NUP153: variants seen among roughly 807,000 people sequenced by gnomAD.
NUP153 encodes the protein nuclear pore complex protein Nup153.
A neutral mutation model predicts 134.6 loss-of-function variants in NUP153; 27 were observed. The observed-to-expected ratio is 0.20, with a 90% CI of 0.15 to 0.28. NUP153 has a LOEUF of 0.28. Ranked by LOEUF, NUP153 falls within the 10% of genes least tolerant of loss-of-function variation. The probability of loss-of-function intolerance (pLI) is 1.00; values close to 1 mark genes in which losing one functional copy is unlikely to be tolerated. For missense variants in NUP153, 1,821 were observed against 1,731.3 expected, an observed-to-expected ratio of 1.05 and a Z score of -0.92; for synonymous variants, 640 against 623.5, an observed-to-expected ratio of 1.03 and a Z score of -0.40.
rs199524934 is a variant in NUP153, at chr6:17,648,635, T to TA, written c.1533+527dup. On this transcript the variant is annotated intron_variant, in intron 12 of 21. Transcript: ENST00000262077. ...CAAGCTGAAAAAATAAATAAATATTTAAAAAAAAATTTTTTTAATTAGCTG... is the reference window on the plus strand; with the variant it reads ...CAAGCTGAAAAAATAAATAAATATTTAAAAAAAAAATTTTTTTAATTAGCTG... Among the ~76,000 whole-genome samples, 12 of 151,512 alleles carry TA rather than the reference T, an allele frequency of 7.9e-5. No homozygotes were observed. In the South Asian group the frequency reaches 2.3e-3, roughly 29 times the overall value.
chr6:17,682,768 A>G (rs1057077593), intron 2 of NUP153, among the ~76,000 whole-genome samples: 1 of 151,912 alleles, frequency 6.6e-6, no homozygotes, highest in Admixed American at 6.6e-5. Context: ...AATACAAAAA[A>G]TTAGCTGGGT....
intron 2 of NUP153, among the ~76,000 whole-genome samples, chr6:17,684,205 A>C (rs1768778301): frequency 6.6e-6 from 1 of 152,226 alleles, no homozygotes; most frequent in South Asian, 2.1e-4. Flanking sequence ...TAAATTACCC[A>C]GTCTCAAGTA....
At chr6:17,616,374 C>A (rs1264129115) in intron 21 of NUP153, among the ~76,000 whole-genome samples, 153 bp downstream of exon 21, 1 of 152,074 alleles carries the variant, frequency 6.6e-6, no homozygotes, top group Non-Finnish European at 1.5e-5. Context: ...GTAATATAAT[C>A]CTCCAGAATT....
chr6:17,639,952 A>T lies in NUP153; in HGVS notation c.1833T>A (p.Ile611=), dbSNP rs547850233. The change falls in exon 15 of 22, where the codon ATT becomes ATA. Residue 611 remains isoleucine, a synonymous_variant. Transcript: ENST00000262077. ...TAATTATCTTACCAGGGCTTTTCAG[A>T]ATATCTAGAACACTTCCTTCTTTCA... is the stretch of plus-strand genomic sequence containing the variant. ...EILKEGSVLD[I]LKSPGFASPK... 6.2e-7 allele frequency: 1 copy of T among 1,604,290 alleles called. No individual in the cohort carries two copies. Among genetic ancestry groups the T allele is most frequent in the South Asian group, 1.1e-5 (1 of 88,590 alleles).
At chr6:17,670,553 T>C (rs1031818708) in intron 5 of NUP153, among the ~76,000 whole-genome samples, 1 of 152,202 alleles carries the variant, frequency 6.6e-6, no homozygotes, top group Non-Finnish European at 1.5e-5. Context: ...CTGCACTGGC[T>C]AGCACCTGCA....
chr6:17,646,511 A>G (rs115314054), intron 13 of NUP153, among the ~76,000 whole-genome samples: 2,940 of 152,004 alleles, frequency 0.019, 96 homozygotes, highest in African/African-American at 0.067. Context: ...TGGCCCAAAT[A>G]TAGAGGTTAT....
intron 11 of NUP153, among the ~76,000 whole-genome samples, chr6:17,655,967 G>A (rs1766791950): frequency 6.6e-6 from 1 of 152,154 alleles, no homozygotes; most frequent in Non-Finnish European, 1.5e-5. Context: ...CCCTTTGGGA[G>A]GCCAAGGTGG....
At position 17,638,421 on chromosome 6, in the gene NUP153, A is replaced by G. The variant is rs1765672956; in HGVS notation, c.1847-651T>C. On this transcript the variant is annotated intron_variant, in intron 15 of 21. Transcript: ENST00000262077. This position sits in a 1 kb window ranked among gnomAD's most constrained non-coding sequence, Gnocchi z 4.0. ...TTTCTCCAGCCTTACCCGCCAAAGAAAAAGAAATTAAAAGGAGAGAAGATG... is the reference window on the plus strand; with the variant it reads ...TTTCTCCAGCCTTACCCGCCAAAGAGAAAGAAATTAAAAGGAGAGAAGATG... 6.6e-6 allele frequency among the ~76,000 whole-genome samples: 1 copy of G among 152,240 alleles called. No homozygotes were observed. The highest frequency in any genetic ancestry group is 2.4e-5 in the African/African-American group (1 of 41,470).
In NUP153 at chr6:17,646,132, G is replaced by C. The variant is rs773445182; in HGVS notation, c.1655C>G (p.Pro552Arg). 6.3e-7 allele frequency: 1 copy of C among 1,593,120 alleles called. No individual in the cohort carries two copies. The highest frequency in any genetic ancestry group is 8.6e-7 in the Non-Finnish European group (1 of 1,161,564). Reference sequence around the variant, plus strand: ...AGAAAGTTCTGCTGTTTTTGCAACAGGCACACTAAATGTAAATCCAATCTG... The same window carrying C: ...AGAAAGTTCTGCTGTTTTTGCAACACGCACACTAAATGTAAATCCAATCTG... ...PSSIGFTFSV[P>R]VAKTAELSGS... The change falls in exon 14 of 22, where the codon CCT becomes CGT. Residue 552 changes from proline to arginine, a missense_variant. Coordinates refer to ENST00000262077, the MANE Select transcript of NUP153 (RefSeq NM_005124.4).
chr6:17,664,803 A>C (rs1233846969), intron 9 of NUP153, among the ~76,000 whole-genome samples: 1 of 152,174 alleles, frequency 6.6e-6, no homozygotes, highest in Non-Finnish European at 1.5e-5. Context: ...CTGTAATCCC[A>C]GCACTTTGGG....
At chr6:17,671,711 G>A (rs372513832) in intron 5 of NUP153, among the ~76,000 whole-genome samples, 1 of 152,098 alleles carries the variant, frequency 6.6e-6, no homozygotes, top group East Asian at 1.9e-4. Context: ...AGACTCAAAT[G>A]CAATCTCAAT....
intron 8 of NUP153, among the ~76,000 whole-genome samples, chr6:17,665,696 C>T (rs1325647970): frequency 6.6e-6 from 1 of 151,810 alleles, no homozygotes; most frequent in African/African-American, 2.4e-5. Flanking sequence ...CAAAACAGCA[C>T]TACAGATCAA....
chr6:17,698,362 C>G (rs147420729), intron 1 of NUP153, among the ~76,000 whole-genome samples: 3 of 152,266 alleles, frequency 2.0e-5, no homozygotes, highest in East Asian at 1.9e-4. Flanking sequence ...GAGGCCAAGG[C>G]AGGGGTTCTG....
At position 17,632,817 on chromosome 6, in the gene NUP153, C is replaced by T. The variant is rs367859091; in HGVS notation, c.2492G>A (p.Ser831Asn). Reference protein sequence around the residue: ...PGSSVPASSSSTVPVSLPSGG... With the variant: ...PGSSVPASSSNTVPVSLPSGG... ...AGAAGGCAGAGAGACAGGTACAGTG[C>T]TGCTACTTGAAGCAGGTACTGAACT... Residue 831 changes from serine (S) to asparagine (N), a missense_variant, in exon 17 of 22, where the codon AGC becomes AAC. By Grantham distance (46) the Ser-to-Asn change is conservative. Transcript: ENST00000262077. The T allele has an allele frequency of 2.8e-6, 4 of 1,434,118 alleles. No individual in the cohort carries two copies. The African/African-American group carries it at 6.0e-5, about 22-fold the overall frequency. The allele number at this position is 1,434,118 out of a possible 1,614,324, so 88.8% of individuals were successfully genotyped here. A position where few individuals can be genotyped will look rare whatever the true frequency, so the allele number is the denominator to read the frequency against.
chr6:17,696,401 C>G (rs948945055), intron 1 of NUP153, among the ~76,000 whole-genome samples: 2 of 152,156 alleles, frequency 1.3e-5, no homozygotes, highest in East Asian at 1.9e-4. Flanking sequence ...CAGGTCTTTA[C>G]AGGAAATAAG....
chr6:17,693,342 T>C (rs761520777), intron 1 of NUP153, among the ~76,000 whole-genome samples: 2 of 152,078 alleles, frequency 1.3e-5, no homozygotes, highest in South Asian at 2.1e-4. Flanking sequence ...CCATGAGAGA[T>C]ATTAAACACT....
intron 16 of NUP153, among the ~76,000 whole-genome samples, chr6:17,634,748 A>T (rs151333933): frequency 6.6e-6 from 1 of 152,096 alleles, no homozygotes; most frequent in African/African-American, 2.4e-5. Context: ...CATTACATAC[A>T]TCTGAATGTT....
chr6:17,618,834 G>A (rs545283083), intron 20 of NUP153, among the ~76,000 whole-genome samples: 2 of 152,278 alleles, frequency 1.3e-5, no homozygotes, highest in East Asian at 1.9e-4. Context: ...CCAAAGTGCT[G>A]GGATTACAGG....
intron 1 of NUP153, among the ~76,000 whole-genome samples, chr6:17,701,507 C>A (rs1770069615): frequency 4.0e-5 from 6 of 150,572 alleles, no homozygotes; most frequent in Admixed American, 4.0e-4. Flanking sequence ...ACTAAAAATA[C>A]AAAAATTAGC....
Sources: gnomAD v4.1 joint callset for allele counts (sites outside exome capture counted in the v4.1 genomes callset) on GRCh38, gnomAD v4.1.1 for gene constraint, Gnocchi (gnomAD v3.1) non-coding constraint, MANE v1.5 for transcripts, NCBI Gene and HGNC (gene_info 2026-07-23, HGNC 2026-07-21) for gene names.